The following UGP2 variants were observed in gnomAD, a reference collection of about 807,000 sequenced individuals.
The protein encoded by UGP2 is UDP-glucose pyrophosphorylase 2.
UGP2 carries 40 observed loss-of-function variants against 49.0 expected under a neutral mutation model. The observed-to-expected ratio is 0.82, with a 90% CI of 0.63 to 1.06. The LOEUF (loss-of-function observed/expected upper bound fraction) is 1.06. Among genes scored for constraint, UGP2 ranks in the 50% least tolerant of loss-of-function variants. UGP2 has a pLI of 0.00. For missense variants in UGP2, 460 were observed against 603.5 expected, an observed-to-expected ratio of 0.76 and a Z score of 2.49; for synonymous variants, 225 against 213.0, an observed-to-expected ratio of 1.06 and a Z score of -0.49.
intron 9 of UGP2, 51 bp from the exon 10 acceptor site, chr2:63,891,069 C>CA: frequency 6.7e-7 from 1 of 1,495,840 alleles, no homozygotes; most frequent in Non-Finnish European, 9.2e-7. Context: ...GTAAGATAAT[C>CA]AAATTGCATT....
intron 9 of UGP2, among the ~76,000 whole-genome samples, chr2:63,890,709 T>A (rs1231221364): frequency 2.0e-5 from 3 of 152,182 alleles, no homozygotes. Context: ...CCTAAAGACT[T>A]AAGACATGAA....
chr2:63,876,917 A>G (rs1280369818), intron 3 of UGP2, among the ~76,000 whole-genome samples: 1 of 152,216 alleles, frequency 6.6e-6, no homozygotes, highest in Non-Finnish European at 1.5e-5. Flanking sequence ...TAAGATGCCA[A>G]CCTTGGGGAT....
At chr2:63,847,844 G>C (rs1338822962) in intron 1 of UGP2, among the ~76,000 whole-genome samples, 2 of 152,218 alleles carry the variant, frequency 1.3e-5, no homozygotes, top group East Asian at 3.8e-4. Context: ...AGTTGCTTTA[G>C]GCCATCTGGG....
At chr2:63,858,544 A>G (rs1178149473) in intron 3 of UGP2, among the ~76,000 whole-genome samples, 3 of 152,060 alleles carry the variant, frequency 2.0e-5, no homozygotes, top group Non-Finnish European at 4.4e-5. Context: ...AAGCTAAAAA[A>G]TAAAAATCTC....
At chr2:63,867,732 T>A (rs908168468) in intron 3 of UGP2, among the ~76,000 whole-genome samples, 1 of 152,224 alleles carries the variant, frequency 6.6e-6, no homozygotes, top group Non-Finnish European at 1.5e-5. Context: ...TCATGAATAA[T>A]TTAATACTTT....
intron 1 of UGP2, among the ~76,000 whole-genome samples, chr2:63,846,919 G>T (rs377420766): frequency 6.6e-6 from 1 of 151,932 alleles, no homozygotes; most frequent in African/African-American, 2.4e-5. Context: ...TGAAGAGAAG[G>T]GTTTAGTTAA....
chr2:63,868,430 T>A (rs953183629), intron 3 of UGP2, among the ~76,000 whole-genome samples: 5 of 152,214 alleles, frequency 3.3e-5, no homozygotes, highest in Admixed American at 6.5e-5. Context: ...ATTCAGTTAA[T>A]CACTTGAAGG....
chr2:63,882,686 A>C, intron 4 of UGP2, 35 bp downstream of exon 4: 1 of 1,457,816 alleles, frequency 6.9e-7, no homozygotes, highest in Non-Finnish European at 9.1e-7. Context: ...TGAGATACTA[A>C]AATAGTTTTT....
At chr2:63,887,719 T>TA in intron 8 of UGP2, 75 bp downstream of exon 8, 1 of 1,558,728 alleles carries the variant, frequency 6.4e-7, no homozygotes, top group Non-Finnish European at 8.7e-7. Context: ...ACATGTGAAT[T>TA]GGAGACTAAT....
chr2:63,844,666 A>G (rs1195803645), intron 1 of UGP2, among the ~76,000 whole-genome samples: 1 of 152,046 alleles, frequency 6.6e-6, no homozygotes, highest in Admixed American at 6.5e-5. Flanking sequence ...GGCTTAAGCA[A>G]TTTTCCCACC....
rs1672152013 is a variant in UGP2 at position 63,891,400 on chromosome 2, AAT to A, written c.*175_*176del. The A allele has an allele frequency of 2.3e-6, 1 of 434,410 alleles. No individual in the cohort carries two copies. Among genetic ancestry groups the A allele is most frequent in the East Asian group, 3.7e-5 (1 of 27,388 alleles). 26.9% of individuals were successfully genotyped at this position (434,410 alleles called of 1,614,324 possible). On this transcript the variant is annotated 3_prime_UTR_variant, in exon 10 of 10. Coordinates refer to ENST00000337130, the MANE Select transcript of UGP2 (RefSeq NM_006759.4). ...AGTCTAAGAAAAGCACAGATGGAGC[AAT>A]ACTTTCCTTCTTTGAAGAGAATCCC...
At chr2:63,858,880 A>ACCCCCCCCCCCCC (rs11350730) in intron 3 of UGP2, among the ~76,000 whole-genome samples, 3 of 126,778 alleles carry the variant, frequency 2.4e-5, no homozygotes, top group African/African-American at 5.9e-5. Flanking sequence ...TTATTCCCAC[A>ACCCCCCCCCCCCC]CCCCCCCGCC....
rs796880676 is a variant in UGP2 at position 63,881,769 on chromosome 2, C to T, written c.256-697C>T. On this transcript the variant is annotated intron_variant, in intron 3 of 9. Coordinates refer to ENST00000337130, the MANE Select transcript of UGP2 (RefSeq NM_006759.4). ...AAGATTGAGTTGGGATTTTCTTCAG[C>T]CCCACCTCTTGCCCTTTCCCTCCCT... is the stretch of plus-strand genomic sequence containing the variant. Among the ~76,000 whole-genome samples, 6 of 152,324 alleles carry T rather than the reference C, an allele frequency of 3.9e-5. 1 individual carries two copies. Among genetic ancestry groups the T allele is most frequent in the African/African-American group, 1.4e-4 (6 of 41,564 alleles).
At chr2:63,890,546 A>G (rs1202848960) in intron 9 of UGP2, among the ~76,000 whole-genome samples, 1 of 152,208 alleles carries the variant, frequency 6.6e-6, no homozygotes, top group Non-Finnish European at 1.5e-5. Context: ...AAAGTATTAA[A>G]GCTCACCAAA....
chr2:63,869,869 G>C (rs760691181), intron 3 of UGP2, among the ~76,000 whole-genome samples: 2 of 151,068 alleles, frequency 1.3e-5, no homozygotes, highest in South Asian at 2.1e-4. Flanking sequence ...AATTGCCTTC[G>C]TGTTTTCCTT....
intron 8 of UGP2, 131 bp from the exon 9 acceptor site, chr2:63,889,950 G>A: frequency 1.5e-6 from 1 of 662,100 alleles, no homozygotes; most frequent in Non-Finnish European, 2.7e-6. Context: ...ATAAGTAGGT[G>A]CTTCCCACAG....
intron 3 of UGP2, among the ~76,000 whole-genome samples, chr2:63,861,892 T>A (rs1669876944): frequency 6.6e-6 from 1 of 152,092 alleles, no homozygotes; most frequent in African/African-American, 2.4e-5. Context: ...GACTTTTTCT[T>A]AGTCTATCAA....
chr2:63,857,636 A>G, intron 2 of UGP2, 193 bp from the exon 3 acceptor site: 1 of 631,742 alleles, frequency 1.6e-6, no homozygotes, highest in Non-Finnish European at 2.9e-6. Context: ...AAGTGCTGGG[A>G]TTACAGGCAT....
chr2:63,882,484 A>G lies in UGP2; in HGVS notation c.274A>G (p.Ile92Val), dbSNP rs762872765. Residue 92 changes from isoleucine to valine, a missense_variant, in exon 4 of 10, where the codon ATA (isoleucine) becomes GTA (valine). By Grantham distance (29) the Ile-to-Val change is conservative. Transcript: ENST00000337130. ...PEDSIQPYEK[I>V]KARGLPDNIS... is the part of the protein sequence containing the mutation. ...CTTTCAGATTCAACCCTATGAAAAG[A>G]TAAAGGCCAGGGGCTTGCCTGATAA... 2 of 1,589,226 alleles carry G rather than the reference A, an allele frequency of 1.3e-6. No individual in the cohort carries two copies. The highest frequency in any genetic ancestry group is 1.7e-5 in the Admixed American group (1 of 59,200).
Sources: allele counts gnomAD v4.1 joint callset (sites outside exome capture counted in the v4.1 genomes callset), GRCh38; gene constraint gnomAD v4.1.1; transcripts MANE v1.5; gene names NCBI Gene and HGNC (gene_info 2026-07-23, HGNC 2026-07-21).